UNC13C: variants seen among roughly 807,000 people sequenced by gnomAD.
The protein encoded by UNC13C is unc-13 homolog C, also known as protein unc-13 homolog C.
A neutral mutation model predicts 245.4 loss-of-function variants in UNC13C; 174 were observed. That is an observed-to-expected ratio of 0.71 (90% CI 0.63 to 0.80). The LOEUF (loss-of-function observed/expected upper bound fraction) is 0.80, where lower values mean the gene tolerates loss of function less well. UNC13C is among the 30% of genes least tolerant of loss of function. The pLI is 0.00. For missense variants in UNC13C, 2,829 were observed against 2,602.9 expected, an observed-to-expected ratio of 1.09 and a Z score of -1.89; for synonymous variants, 992 against 895.1, an observed-to-expected ratio of 1.11 and a Z score of -1.93.
In UNC13C at chr15:54,627,727, A is replaced by AGAGT. The variant is rs200556427; in HGVS notation, c.*615_*618dup. The AGAGT allele has an allele frequency of 0.014, 2,112 of 152,752 alleles. 22 individuals carry two copies. The highest frequency in any genetic ancestry group is 0.034 in the Middle Eastern group (10 of 294). 9.5% of individuals were successfully genotyped at this position (152,752 alleles called of 1,614,324 possible). A position where few individuals can be genotyped will look rare whatever the true frequency, so the allele number is the denominator to read the frequency against. On this transcript the variant is annotated 3_prime_UTR_variant, in exon 33 of 33. Coordinates refer to ENST00000260323, the MANE Select transcript of UNC13C (RefSeq NM_001080534.3). ...AAGCAAACTTACATAAAGCAATGCT[A>AGAGT]GAGTTTGTTAACAATGTTTGATATA... is the stretch of plus-strand genomic sequence containing the variant.
At chr15:54,271,853 C>T (rs185930708) in intron 10 of UNC13C, among the ~76,000 whole-genome samples, 3 of 152,286 alleles carry the variant, frequency 2.0e-5, no homozygotes, top group East Asian at 1.9e-4. Context: ...AAGTATTCTA[C>T]GTATGTAACC....
chr15:53,927,739 G>A, the UNC13C span, among the ~76,000 whole-genome samples: 139 of 152,288 alleles, frequency 9.1e-4, no homozygotes, highest in African/African-American at 3.2e-3. Flanking sequence ...GCCCAGGGAA[G>A]TTTTAGAAAT....
chr15:54,122,224 T>C (rs2030718187), intron 2 of UNC13C, among the ~76,000 whole-genome samples: 1 of 152,006 alleles, frequency 6.6e-6, no homozygotes, highest in Non-Finnish European at 1.5e-5. Flanking sequence ...GATCTTACAC[T>C]TAATAATTTC....
intron 13 of UNC13C, among the ~76,000 whole-genome samples, chr15:54,310,345 C>G (rs1439881703): frequency 1.3e-5 from 2 of 151,844 alleles, no homozygotes; most frequent in African/African-American, 4.8e-5. Context: ...GGACATCTTG[C>G]CAAATTGAAC....
intron 24 of UNC13C, among the ~76,000 whole-genome samples, chr15:54,519,763 C>A (rs1262738549): frequency 6.6e-6 from 1 of 152,096 alleles, no homozygotes; most frequent in African/African-American, 2.4e-5. Context: ...ACCGTGTATT[C>A]TTTTACTTCT....
chr15:54,327,833 G>T (rs2038338572), intron 14 of UNC13C, among the ~76,000 whole-genome samples: 1 of 152,016 alleles, frequency 6.6e-6, no homozygotes, highest in South Asian at 2.1e-4. Context: ...TGGGAGGTAG[G>T]AGTGCTCTCT....
At chr15:53,955,024 CTTAT>C in the UNC13C span, among the ~76,000 whole-genome samples, 2 of 152,114 alleles carry the variant, frequency 1.3e-5, no homozygotes, top group East Asian at 3.9e-4. Flanking sequence ...TGTGGCTCTA[CTTAT>C]AACATTTTCA....
chr15:54,450,053 G>C (rs910338889), intron 19 of UNC13C, among the ~76,000 whole-genome samples: 4 of 152,294 alleles, frequency 2.6e-5, no homozygotes, highest in East Asian at 1.9e-4. Flanking sequence ...GACCCTGTTT[G>C]CCTGGGTATC....
chr15:54,378,319 T>A (rs1201104910), intron 17 of UNC13C, among the ~76,000 whole-genome samples: 1 of 152,134 alleles, frequency 6.6e-6, no homozygotes, highest in African/African-American at 2.4e-5. Flanking sequence ...TTTAAAGAGG[T>A]GATATATGAA....
intron 2 of UNC13C, among the ~76,000 whole-genome samples, chr15:54,064,335 A>AAGATT (rs1897977016): frequency 2.6e-5 from 4 of 152,192 alleles, no homozygotes; most frequent in Admixed American, 2.6e-4. Flanking sequence ...TGTTGCTAAA[A>AAGATT]AGATTACAAA....
chr15:54,013,686 T>C lies in UNC13C; in HGVS notation c.783T>C (p.Ser261=), dbSNP rs1347626388. ...TAAGTCAGATTGAAACAGAACTTTC[T>C]GAACTACGAGGGCACGTCAATGCTC... ...QGISQIETEL[S]ELRGHVNALK... The change falls in exon 2 of 33, where the codon TCT becomes TCC. Residue 261 remains serine, a synonymous_variant. Coordinates refer to ENST00000260323, the MANE Select transcript of UNC13C (RefSeq NM_001080534.3). The C allele has an allele frequency of 1.9e-6, 3 of 1,613,770 alleles. No homozygotes were observed. The highest frequency in any genetic ancestry group is 3.3e-5 in the Admixed American group (2 of 59,976).
intron 2 of UNC13C, among the ~76,000 whole-genome samples, chr15:54,038,123 T>TAAA (rs1334903504): frequency 4.0e-5 from 2 of 50,394 alleles, no homozygotes; most frequent in African/African-American, 1.7e-4. Context: ...TATATATATA[T>TAAA]ATTTTTTTTT....
intron 10 of UNC13C, among the ~76,000 whole-genome samples, chr15:54,284,915 C>T (rs932622725): frequency 7.9e-5 from 12 of 151,872 alleles, no homozygotes; most frequent in African/African-American, 2.4e-4. Flanking sequence ...ACTTTATCTG[C>T]GGAGAAATTA....
At chr15:53,958,694 C>T in the UNC13C span, among the ~76,000 whole-genome samples, 6 of 152,052 alleles carry the variant, frequency 3.9e-5, no homozygotes, top group East Asian at 1.9e-4. Flanking sequence ...AGTAGTCGTA[C>T]GTATTTTGGG....
At chr15:54,437,355 A>C (rs1257394840) in intron 19 of UNC13C, among the ~76,000 whole-genome samples, 1 of 151,970 alleles carries the variant, frequency 6.6e-6, no homozygotes, top group African/African-American at 2.4e-5. Context: ...CTATTATATA[A>C]GCTTCAAAGG....
chr15:54,088,861 A>G (rs1449834160), intron 2 of UNC13C, among the ~76,000 whole-genome samples: 2 of 152,192 alleles, frequency 1.3e-5, no homozygotes, highest in Non-Finnish European at 2.9e-5. Context: ...TGCAGGATGT[A>G]GAATTTGAGG....
At chr15:53,858,954 A>C in the UNC13C span, among the ~76,000 whole-genome samples, 203 of 102,458 alleles carry the variant, frequency 2.0e-3, 1 homozygote, top group African/African-American at 6.8e-3. Context: ...ATATTAAAAT[A>C]TTAAAAATTA....
the UNC13C span, among the ~76,000 whole-genome samples, chr15:53,887,164 A>G: frequency 6.6e-6 from 1 of 152,178 alleles, no homozygotes; most frequent in African/African-American, 2.4e-5. Flanking sequence ...CTAAAATGTA[A>G]TAATGTTTGT....
At chr15:54,043,992 T>C (rs1282661642) in intron 2 of UNC13C, among the ~76,000 whole-genome samples, 5 of 152,230 alleles carry the variant, frequency 3.3e-5, no homozygotes, top group African/African-American at 1.2e-4. Flanking sequence ...TTAGCATATT[T>C]AGAGATGTAC....
Sources: allele counts gnomAD v4.1 joint callset (sites outside exome capture counted in the v4.1 genomes callset), GRCh38; gene constraint gnomAD v4.1.1; transcripts MANE v1.5; gene names NCBI Gene and HGNC (gene_info 2026-07-23, HGNC 2026-07-21).